The following COLEC10 variants were observed in gnomAD, a reference collection of about 807,000 sequenced individuals.
The protein encoded by COLEC10 is collectin-10.
In COLEC10, 22 loss-of-function variants were observed where a neutral mutation model predicts 28.4. That is an observed-to-expected ratio of 0.78 (90% CI 0.55 to 1.11). The LOEUF is 1.11. Ranked by LOEUF, COLEC10 falls within the 50% of genes least tolerant of loss-of-function variation. The pLI, the probability that COLEC10 is intolerant of heterozygous loss-of-function variation, is 0.00. For synonymous variants in COLEC10, 125 were observed against 116.1 expected, an observed-to-expected ratio of 1.08 and a Z score of -0.49; for missense variants, 361 against 344.1, an observed-to-expected ratio of 1.05 and a Z score of -0.39.
intron 2 of COLEC10, among the ~76,000 whole-genome samples, chr8:119,013,177 A>C (rs528448123): frequency 6.6e-6 from 1 of 150,564 alleles, no homozygotes; most frequent in East Asian, 1.9e-4. Context: ...ATTTTCATTT[A>C]ATTTAAAATA....
At chr8:119,044,320 C>T (rs1814551366) in intron 2 of COLEC10, among the ~76,000 whole-genome samples, 1 of 152,116 alleles carries the variant, frequency 6.6e-6, no homozygotes, top group Non-Finnish European at 1.5e-5. Context: ...AACTCTGTCA[C>T]AAAAGTTGGG....
At chr8:119,040,083 G>A (rs1814465988) in intron 2 of COLEC10, among the ~76,000 whole-genome samples, 1 of 152,080 alleles carries the variant, frequency 6.6e-6, no homozygotes, top group African/African-American at 2.4e-5. Flanking sequence ...TAAGAGGTTA[G>A]GTTAGTGGAC....
chr8:118,961,846 T>C, the COLEC10 span, among the ~76,000 whole-genome samples: 12 of 152,192 alleles, frequency 7.9e-5, no homozygotes, highest in African/African-American at 2.9e-4. Flanking sequence ...AATTTTGGTT[T>C]TGGATATTTT....
At chr8:118,995,626 T>C (rs1813575648) in intron 1 of COLEC10, 6 of 152,116 alleles carry the variant, frequency 3.9e-5, no homozygotes, top group Admixed American at 3.9e-4. Context: ...AAACAATTTG[T>C]TTTCTACCAG....
chr8:119,099,222 G>A (rs1815776527), intron 3 of COLEC10, among the ~76,000 whole-genome samples: 1 of 151,944 alleles, frequency 6.6e-6, no homozygotes, highest in African/African-American at 2.4e-5. Context: ...ATCAGTTTTT[G>A]TGGATGACTT....
At chr8:119,077,369 T>C (rs1240923234) in intron 1 of COLEC10, among the ~76,000 whole-genome samples, 1 of 151,968 alleles carries the variant, frequency 6.6e-6, no homozygotes, top group East Asian at 1.9e-4. Context: ...TTTGATTCTG[T>C]AATATTTTAA....
chr8:119,063,704 T>C (rs1032631539), upstream of COLEC10, among the ~76,000 whole-genome samples: 7 of 149,812 alleles, frequency 4.7e-5, no homozygotes, highest in Admixed American at 4.7e-4. Context: ...TATATATATA[T>C]ATTTTTTAAG....
the COLEC10 span, among the ~76,000 whole-genome samples, chr8:118,977,210 G>C: frequency 6.9e-6 from 1 of 143,962 alleles, no homozygotes; most frequent in Non-Finnish European, 1.5e-5. Flanking sequence ...CAGGGATCTA[G>C]AACTAGAAAT....
chr8:119,096,964 A>G (rs1398736190), intron 3 of COLEC10, among the ~76,000 whole-genome samples: 1 of 152,076 alleles, frequency 6.6e-6, no homozygotes, highest in Non-Finnish European at 1.5e-5. Context: ...CTCAATATGC[A>G]AAAAATGAAT....
chr8:118,957,238 G>T, the COLEC10 span, among the ~76,000 whole-genome samples: 1 of 152,192 alleles, frequency 6.6e-6, no homozygotes, highest in Non-Finnish European at 1.5e-5. Context: ...CCATACTTCT[G>T]AAGCTTACAG....
chr8:118,953,385 G>A, the COLEC10 span, among the ~76,000 whole-genome samples: 1 of 152,210 alleles, frequency 6.6e-6, no homozygotes, highest in Non-Finnish European at 1.5e-5. Flanking sequence ...CAATCCAAGT[G>A]TTAGTAGTGA....
chr8:119,083,180 T>G (rs554783411), intron 1 of COLEC10, among the ~76,000 whole-genome samples: 1 of 152,176 alleles, frequency 6.6e-6, no homozygotes, highest in East Asian at 1.9e-4. Flanking sequence ...GTCCAGCTGC[T>G]CAAGTCACGT....
intron 2 of COLEC10, among the ~76,000 whole-genome samples, chr8:119,047,318 A>G (rs1054837674): frequency 1.3e-5 from 2 of 152,146 alleles, no homozygotes; most frequent in Non-Finnish European, 2.9e-5. Context: ...AAAATCATGG[A>G]CTCATTTCAA....
Position 119,034,938 on chromosome 8 carries a change from G to T in COLEC10, n.235+25385G>T, listed in dbSNP as rs552239998. On this transcript the variant is annotated intron_variant and non_coding_transcript_variant, in intron 2 of 6. Coordinates refer to the COLEC10 transcript ENST00000521788. ...GTATTTAGTCTAATGCCTGCCTGAA[G>T]TTTAGTAAACGGCAACTAATCATAT... Among the ~76,000 whole-genome samples, 28 of 152,270 alleles carry T rather than the reference G, an allele frequency of 1.8e-4. No individual in the cohort carries two copies. In the South Asian group the frequency reaches 5.6e-3, roughly 30 times the overall value.
chr8:118,981,762 AT>A, the COLEC10 span, among the ~76,000 whole-genome samples: 1 of 152,180 alleles, frequency 6.6e-6, no homozygotes, highest in African/African-American at 2.4e-5. Context: ...ATGGTCAGAG[AT>A]GTTTGAATCC....
Position 119,103,710 on chromosome 8 carries a change from A to C in COLEC10, c.347-90A>C, listed in dbSNP as rs545786526. 60 of 772,370 alleles carry C rather than the reference A, an allele frequency of 7.8e-5. No individual in the cohort carries two copies. In the South Asian group the frequency reaches 9.0e-4, roughly 12 times the overall value. The allele number at this position is 772,370 out of a possible 1,614,324, so 47.8% of individuals were successfully genotyped here. A position where few individuals can be genotyped will look rare whatever the true frequency, so the allele number is the denominator to read the frequency against. On this transcript the variant is annotated intron_variant, in intron 4 of 5. Transcript: ENST00000332843. ...AGATATATAGAACCAGACTAGAAAA[A>C]GATAGTGAATATTGGAAAGAGAGCA...
At chr8:119,098,724 A>G (rs944357696) in intron 3 of COLEC10, among the ~76,000 whole-genome samples, 1 of 152,096 alleles carries the variant, frequency 6.6e-6, no homozygotes, top group Non-Finnish European at 1.5e-5. Context: ...ATATTCCTAT[A>G]AGTACCACTT....
At chr8:119,077,460 CT>C (rs1285215151) in intron 1 of COLEC10, among the ~76,000 whole-genome samples, 7 of 152,102 alleles carry the variant, frequency 4.6e-5, no homozygotes, top group Non-Finnish European at 7.4e-5. Flanking sequence ...GCCCACAGGG[CT>C]TTATTAATGG....
rs60423523 is a variant in COLEC10, at chr8:119,053,686, TG to T, written n.236-35986del. On this transcript the variant is annotated intron_variant and non_coding_transcript_variant, in intron 2 of 6. Transcript: ENST00000521788. ...GATTGTAGGCAATTAAAAAAAAAGG[TG>T]GGGGGGGCTTATTTCTAAAGATCTC... Among the ~76,000 whole-genome samples, 4 of 150,054 alleles carry T rather than the reference TG, an allele frequency of 2.7e-5. 1 individual carries two copies. Among genetic ancestry groups the T allele is most frequent in the African/African-American group, 9.8e-5 (4 of 40,900 alleles).
Sources: gnomAD v4.1 joint callset for allele counts (sites outside exome capture counted in the v4.1 genomes callset) on GRCh38, gnomAD v4.1.1 for gene constraint, MANE v1.5 for transcripts, NCBI Gene and HGNC (gene_info 2026-07-23, HGNC 2026-07-21) for gene names.